The following PIP5K1B variants were observed in gnomAD, a reference collection of about 807,000 sequenced individuals.
PIP5K1B encodes phosphatidylinositol-4-phosphate 5-kinase type 1 beta.
In PIP5K1B, 42 loss-of-function variants were observed where a neutral mutation model predicts 67.0. The observed-to-expected ratio is 0.63, with a 90% CI of 0.49 to 0.81. The LOEUF is 0.81. PIP5K1B is among the 30% of genes least tolerant of loss of function. PIP5K1B has a pLI of 0.00. For synonymous variants in PIP5K1B, 214 were observed against 231.4 expected, an observed-to-expected ratio of 0.92 and a Z score of 0.68; for missense variants, 459 against 646.3, an observed-to-expected ratio of 0.71 and a Z score of 3.14.
At chr9:68,939,553 C>T (rs1330005304) in intron 13 of PIP5K1B, among the ~76,000 whole-genome samples, 1 of 152,202 alleles carries the variant, frequency 6.6e-6, no homozygotes, top group Non-Finnish European at 1.5e-5. Context: ...AGGTTGAGCA[C>T]TTTGGTTATT....
At chr9:68,925,853 A>T (rs1826672437) in intron 12 of PIP5K1B, among the ~76,000 whole-genome samples, 1 of 121,700 alleles carries the variant, frequency 8.2e-6, no homozygotes. Context: ...GCTGCAGTGC[A>T]GTGGCGTGAT....
intron 6 of PIP5K1B, among the ~76,000 whole-genome samples, 154 bp from the exon 7 acceptor site, chr9:68,888,827 A>G (rs1824619373): frequency 6.6e-6 from 1 of 152,284 alleles, no homozygotes; most frequent in Middle Eastern, 3.4e-3. Context: ...AATCTCAAAA[A>G]GAGCCTTCTC....
intron 15 of PIP5K1B, among the ~76,000 whole-genome samples, chr9:68,992,773 G>C (rs1232968197): frequency 6.7e-6 from 1 of 148,422 alleles, no homozygotes; most frequent in Non-Finnish European, 1.5e-5. Context: ...CTGGGAGGCG[G>C]AGGTTGCAAT....
At chr9:68,840,205 C>T (rs11143977) in intron 4 of PIP5K1B, among the ~76,000 whole-genome samples, 9,618 of 152,038 alleles carry the variant, frequency 0.063, 613 homozygotes, top group African/African-American at 0.16. Flanking sequence ...GGTGAAACCC[C>T]GTCTCTACTA....
In PIP5K1B at chr9:68,923,268, G is replaced by C. The variant is rs2027207; in HGVS notation, c.1117-34G>C. The stretch of plus-strand genomic sequence containing the variant: ...TCTGACTTGAGATGAACATTAAGAG[G>C]TGACCCTGTGATCCTGGGTTTTTGT... On this transcript the variant is annotated intron_variant, in intron 11 of 15. Coordinates refer to ENST00000265382, the MANE Select transcript of PIP5K1B (RefSeq NM_003558.4). 7,537 of 1,152,376 alleles carry C rather than the reference G, an allele frequency of 6.5e-3. 349 individuals are homozygous for C. The African/African-American group carries it at 0.097, about 15-fold the overall frequency. The allele number at this position is 1,152,376 out of a possible 1,614,324, so 71.4% of individuals were successfully genotyped here.
chr9:68,999,532 G>A (rs1445047585), intron 15 of PIP5K1B, among the ~76,000 whole-genome samples: 5 of 152,214 alleles, frequency 3.3e-5, no homozygotes, highest in Admixed American at 2.6e-4. Context: ...ATTTGTGTTC[G>A]AAGTAAAATC....
At position 68,835,528 on chromosome 9, in the gene PIP5K1B, A is replaced by G. The variant is rs1834556175; in HGVS notation, c.69+12845A>G. ...TGATGCTGGCTCCCCACCTACTCCC[A>G]ATGGAATTTAAGCCCTATGAGAATG... On this transcript the variant is annotated intron_variant, in intron 4 of 15. Transcript: ENST00000265382. Among the ~76,000 whole-genome samples the G allele has an allele frequency of 4.6e-5, 7 of 152,204 alleles. 1 individual carries two copies. In the South Asian group the frequency reaches 1.4e-3, roughly 31 times the overall value.
At chr9:68,937,156 T>C (rs1827304915) in intron 13 of PIP5K1B, among the ~76,000 whole-genome samples, 1 of 152,222 alleles carries the variant, frequency 6.6e-6, no homozygotes, top group Non-Finnish European at 1.5e-5. Context: ...CCCCTTTTTC[T>C]ATTGTTTGGA....
chr9:68,981,141 G>A (rs73647054), intron 14 of PIP5K1B, among the ~76,000 whole-genome samples: 14 of 152,178 alleles, frequency 9.2e-5, no homozygotes, highest in African/African-American at 2.4e-4. Flanking sequence ...AAAGTTGTTC[G>A]GTGTTTTTTA....
rs149021838 is a variant in PIP5K1B, at chr9:68,990,147, G to C, written c.1503-993G>C. Among the ~76,000 whole-genome samples, 168 of 152,298 alleles carry C rather than the reference G, an allele frequency of 1.1e-3. 1 individual carries two copies. The highest frequency in any genetic ancestry group is 3.9e-3 in the African/African-American group (162 of 41,548). On this transcript the variant is annotated intron_variant, in intron 14 of 15. Coordinates refer to ENST00000265382, the MANE Select transcript of PIP5K1B (RefSeq NM_003558.4). The stretch of plus-strand genomic sequence containing the variant: ...TCGTAGTTACTAAGGGTGTGCTCCA[G>C]CTATCCTCACAGAGGACATAACACA...
At chr9:68,948,683 C>T (rs1161105674) in intron 14 of PIP5K1B, among the ~76,000 whole-genome samples, 1 of 144,444 alleles carries the variant, frequency 6.9e-6, no homozygotes, top group African/African-American at 2.6e-5. Flanking sequence ...TTATAATATG[C>T]CTGTTAGTTT....
At chr9:68,859,224 T>A (rs1276977034) in intron 4 of PIP5K1B, among the ~76,000 whole-genome samples, 2 of 152,230 alleles carry the variant, frequency 1.3e-5, no homozygotes, top group Admixed American at 1.3e-4. Flanking sequence ...GACAGTGCTT[T>A]GAAAACCATA....
At chr9:68,724,244 T>G (rs563700617) in intron 1 of PIP5K1B, among the ~76,000 whole-genome samples, 2,099 of 151,812 alleles carry the variant, frequency 0.014, 63 homozygotes, top group African/African-American at 0.047. Context: ...TGGGTTTTTT[T>G]TTTTTTGTTT....
intron 15 of PIP5K1B, among the ~76,000 whole-genome samples, chr9:69,005,776 C>T (rs1284790443): frequency 6.6e-6 from 1 of 152,192 alleles, no homozygotes; most frequent in Non-Finnish European, 1.5e-5. Flanking sequence ...CTCTACTGTG[C>T]CTTCTGGGTG....
At chr9:68,773,359 G>A (rs1338597038) in intron 2 of PIP5K1B, among the ~76,000 whole-genome samples, 2 of 152,190 alleles carry the variant, frequency 1.3e-5, no homozygotes, top group African/African-American at 2.4e-5. Flanking sequence ...GGGTTTTAAT[G>A]TCAAAGAGAA....
chr9:68,911,380 A>G (rs1003790469), intron 8 of PIP5K1B, among the ~76,000 whole-genome samples: 2 of 141,104 alleles, frequency 1.4e-5, no homozygotes, highest in South Asian at 4.4e-4. Flanking sequence ...TCTCAAATAA[A>G]AAAAAAAAAA....
intron 15 of PIP5K1B, 43 bp from the exon 16 acceptor site, chr9:69,008,404 A>T: frequency 1.2e-6 from 2 of 1,607,692 alleles, no homozygotes; most frequent in Non-Finnish European, 1.7e-6. Flanking sequence ...TTACAAATTG[A>T]TGCCAAAATC....
chr9:68,855,286 A>G (rs945581192), intron 4 of PIP5K1B, among the ~76,000 whole-genome samples: 1 of 151,718 alleles, frequency 6.6e-6, no homozygotes, highest in Non-Finnish European at 1.5e-5. Context: ...CCTTCCATCT[A>G]TTTTCTAAAT....
chr9:68,929,416 C>T (rs1175103061), intron 12 of PIP5K1B, among the ~76,000 whole-genome samples: 1 of 152,128 alleles, frequency 6.6e-6, no homozygotes, highest in Non-Finnish European at 1.5e-5. Context: ...TGCTCATTCT[C>T]ATATATCATA....
Sources: gnomAD v4.1 joint callset for allele counts (sites outside exome capture counted in the v4.1 genomes callset) on GRCh38, gnomAD v4.1.1 for gene constraint, MANE v1.5 for transcripts, NCBI Gene and HGNC (gene_info 2026-07-23, HGNC 2026-07-21) for gene names.